IL1RAPL1: variants seen among roughly 807,000 people sequenced by gnomAD.
IL1RAPL1 encodes the protein interleukin-1 receptor accessory protein-like 1.
A neutral mutation model predicts 48.4 loss-of-function variants in IL1RAPL1; 3 were observed. That is an observed-to-expected ratio of 0.06 (90% CI 0.03 to 0.16). The LOEUF is 0.16. Among genes scored for constraint, IL1RAPL1 ranks in the 10% least tolerant of loss-of-function variants. The probability of loss-of-function intolerance (pLI) is 1.00; values close to 1 mark genes in which losing one functional copy is unlikely to be tolerated. For missense variants in IL1RAPL1, 349 were observed against 530.6 expected, an observed-to-expected ratio of 0.66 and a Z score of 3.36; for synonymous variants, 185 against 187.7, an observed-to-expected ratio of 0.99 and a Z score of 0.12.
At chrX:29,255,140 T>C (rs866344336) in intron 2 of IL1RAPL1, among the ~76,000 whole-genome samples, 2 of 96,980 alleles carry the variant, frequency 2.1e-5, no homozygotes, top group East Asian at 3.6e-4. Flanking sequence ...TGTGTGTGTG[T>C]GCGTGTGTGT....
At chrX:29,406,863 A>G (rs746059345) in intron 5 of IL1RAPL1, among the ~76,000 whole-genome samples, 31 of 112,167 alleles carry the variant, frequency 2.8e-4, no homozygotes, top group African/African-American at 3.9e-4. Context: ...GTCTTACACT[A>G]TAATAACTTC....
chrX:28,602,037 G>A lies in IL1RAPL1; in HGVS notation c.-25+13990G>A, dbSNP rs189481462. On this transcript the variant is annotated intron_variant, in intron 1 of 10. Coordinates refer to ENST00000378993, the MANE Select transcript of IL1RAPL1 (RefSeq NM_014271.4). ...GGAGAATCGCTTGAACCTGGGAGGCGGAGGTTACAGTGAGCCGAAATTGCA... is the reference window on the plus strand; with the variant it reads ...GGAGAATCGCTTGAACCTGGGAGGCAGAGGTTACAGTGAGCCGAAATTGCA... Among the ~76,000 whole-genome samples the A allele has an allele frequency of 9.4e-5, 10 of 106,906 alleles. No individual in the cohort carries two copies. The East Asian group carries it at 1.8e-3, about 19-fold the overall frequency. The allele number at this position is 106,906 out of a possible 115,157, so 92.8% of individuals were successfully genotyped here.
At position 29,028,292 on chromosome X, in the gene IL1RAPL1, G is replaced by GTTTT. The variant is rs775964789; in HGVS notation, c.82+238882_82+238885dup. On this transcript the variant is annotated intron_variant, in intron 2 of 10. Transcript: ENST00000378993. ...TTACGCCCTACTGTTTTTTTTGTTT[G>GTTTT]TTTTTTTTTTTTTTTTTTGAGACGG... 5.4e-3 allele frequency among the ~76,000 whole-genome samples: 435 copies of GTTTT among 80,146 alleles called. 3 individuals are homozygous for GTTTT. The highest frequency in any genetic ancestry group is 8.9e-3 in the Non-Finnish European group (358 of 40,290). 69.6% of individuals were successfully genotyped at this position (80,146 alleles called of 115,157 possible).
chrX:28,791,040 TATTG>T (rs1357580230), intron 2 of IL1RAPL1, among the ~76,000 whole-genome samples: 3 of 111,936 alleles, frequency 2.7e-5, no homozygotes, highest in Admixed American at 9.5e-5. Flanking sequence ...AAAATAGAAA[TATTG>T]ATTAATTCTT....
At chrX:29,704,540 G>C (rs769702650) in intron 6 of IL1RAPL1, among the ~76,000 whole-genome samples, 1 of 110,523 alleles carries the variant, frequency 9.0e-6, no homozygotes, top group Non-Finnish European at 1.9e-5. Context: ...ATGGTGGCGC[G>C]TGACTGTAAT....
intron 1 of IL1RAPL1, among the ~76,000 whole-genome samples, chrX:28,632,248 G>A (rs2146893868): frequency 9.0e-6 from 1 of 111,428 alleles, no homozygotes; most frequent in East Asian, 2.8e-4. Context: ...CCTTCTCACT[G>A]TGTCTTTATA....
chrX:29,791,780 G>C (rs1929644563), intron 6 of IL1RAPL1, among the ~76,000 whole-genome samples: 1 of 100,057 alleles, frequency 1.0e-5, no homozygotes, highest in Non-Finnish European at 2.0e-5. Flanking sequence ...TCCCAGGCTG[G>C]AGTGCAGTGT....
intron 2 of IL1RAPL1, among the ~76,000 whole-genome samples, chrX:29,022,759 T>C (rs1926399447): frequency 8.9e-6 from 1 of 112,032 alleles, no homozygotes; most frequent in Non-Finnish European, 1.9e-5. Flanking sequence ...TGTTTCCTTA[T>C]TGAGCATAAT....
chrX:29,818,785 GT>G (rs978233362), intron 6 of IL1RAPL1, among the ~76,000 whole-genome samples: 11 of 111,993 alleles, frequency 9.8e-5, no homozygotes, highest in African/African-American at 3.6e-4. Context: ...AGTTACATAA[GT>G]TTACTCATAT....
At chrX:29,522,168 T>G in intron 5 of IL1RAPL1, among the ~76,000 whole-genome samples, 1 of 111,306 alleles carries the variant, frequency 9.0e-6, no homozygotes, top group East Asian at 2.8e-4. Flanking sequence ...TTTTTGCCTT[T>G]TTTGAGACAG....
At chrX:28,821,970 C>T (rs1936941901) in intron 2 of IL1RAPL1, among the ~76,000 whole-genome samples, 1 of 110,929 alleles carries the variant, frequency 9.0e-6, no homozygotes, top group African/African-American at 3.3e-5. Flanking sequence ...AGCATTAGGT[C>T]TCCAGCTTGA....
intron 2 of IL1RAPL1, among the ~76,000 whole-genome samples, chrX:29,191,356 C>T (rs1341933105): frequency 9.0e-6 from 1 of 111,500 alleles, no homozygotes; most frequent in African/African-American, 3.3e-5. Flanking sequence ...GAAACCTAGT[C>T]CGCATTTTAT....
At chrX:29,183,949 C>T (rs1386084239) in intron 2 of IL1RAPL1, among the ~76,000 whole-genome samples, 1 of 111,893 alleles carries the variant, frequency 8.9e-6, no homozygotes, top group Non-Finnish European at 1.9e-5. Flanking sequence ...CCTTCTCGGC[C>T]TTCCAAATTG....
At chrX:28,725,458 G>A (rs966555455) in intron 1 of IL1RAPL1, among the ~76,000 whole-genome samples, 17 of 111,095 alleles carry the variant, frequency 1.5e-4, no homozygotes, top group South Asian at 3.8e-4. Context: ...TATTATTACC[G>A]GGTAATTATG....
intron 2 of IL1RAPL1, among the ~76,000 whole-genome samples, chrX:29,034,902 T>G (rs76793992): frequency 9.2e-6 from 1 of 108,897 alleles, no homozygotes; most frequent in Admixed American, 9.8e-5. Flanking sequence ...TCTGCCAGAC[T>G]GGAGTGCAGT....
chrX:29,404,625 T>C (rs1934032527), intron 5 of IL1RAPL1, among the ~76,000 whole-genome samples: 2 of 112,088 alleles, frequency 1.8e-5, no homozygotes, highest in African/African-American at 6.5e-5. Context: ...CCCAATATAT[T>C]GTTACTGTTA....
intron 5 of IL1RAPL1, among the ~76,000 whole-genome samples, chrX:29,434,605 A>C (rs1934460491): frequency 9.0e-6 from 1 of 110,798 alleles, no homozygotes; most frequent in South Asian, 3.7e-4. Context: ...AAATGCCAAC[A>C]TTTTCCTAAT....
intron 2 of IL1RAPL1, among the ~76,000 whole-genome samples, chrX:29,122,409 TCACACACACACA>T (rs59677285): frequency 1.5e-4 from 10 of 64,568 alleles, no homozygotes; most frequent in African/African-American, 2.3e-4. Flanking sequence ...TCTCTCTCTC[TCACACACACACA>T]CACACACACA....
intron 1 of IL1RAPL1, among the ~76,000 whole-genome samples, chrX:28,771,759 T>G (rs1053375546): frequency 2.7e-5 from 3 of 110,640 alleles, no homozygotes; most frequent in Non-Finnish European, 5.7e-5. Flanking sequence ...ACATATAATG[T>G]AGGCCAATGG....
Sources: allele counts gnomAD v4.1 joint callset (sites outside exome capture counted in the v4.1 genomes callset), GRCh38; gene constraint gnomAD v4.1.1; transcripts MANE v1.5; gene names NCBI Gene and HGNC (gene_info 2026-07-23, HGNC 2026-07-21).